The following NOS1AP variants were observed in gnomAD, a reference collection of about 807,000 sequenced individuals.
The protein encoded by NOS1AP is carboxyl-terminal PDZ ligand of neuronal nitric oxide synthase protein.
Under a neutral mutation model 56.2 loss-of-function variants are expected in NOS1AP, and 21 were observed. The observed-to-expected ratio is 0.37, with a 90% CI of 0.26 to 0.54. NOS1AP has a LOEUF of 0.54. Ranked by LOEUF, NOS1AP falls within the 20% of genes least tolerant of loss-of-function variation. The pLI is 0.84. For synonymous variants in NOS1AP, 270 were observed against 274.6 expected, an observed-to-expected ratio of 0.98 and a Z score of 0.17; for missense variants, 522 against 657.8, an observed-to-expected ratio of 0.79 and a Z score of 2.26.
rs77491175 is a variant in NOS1AP, at chr1:162,278,061, T to G, written c.178-9283T>G. 5.3e-3 allele frequency among the ~76,000 whole-genome samples: 809 copies of G among 152,282 alleles called. 9 individuals carry two copies. The highest frequency in any genetic ancestry group is 0.018 in the African/African-American group (762 of 41,562). On this transcript the variant is annotated intron_variant, in intron 2 of 9. Transcript: ENST00000361897. ...AAAACTATAGTAACTTCTTTTCCAT[T>G]TTAGAACTTTCCCCATCTGTCTGCA...
Position 162,099,731 on chromosome 1 carries a change from A to T in NOS1AP, c.105+29449A>T, listed in dbSNP as rs1417055686. 2.0e-5 allele frequency among the ~76,000 whole-genome samples: 3 copies of T among 152,108 alleles called. No individual in the cohort carries two copies. The East Asian group carries it at 5.8e-4, about 29-fold the overall frequency. Reference sequence around the variant, plus strand: ...TGTGCCATGTTGGTGTGCTGCACCCATTAACTCATCATTTAGCATTAGGTA... The same window carrying T: ...TGTGCCATGTTGGTGTGCTGCACCCTTTAACTCATCATTTAGCATTAGGTA... On this transcript the variant is annotated intron_variant, in intron 1 of 9. Coordinates refer to ENST00000361897, the MANE Select transcript of NOS1AP (RefSeq NM_014697.3).
chr1:162,175,938 G>A (rs1477089645), intron 2 of NOS1AP, among the ~76,000 whole-genome samples: 1 of 152,032 alleles, frequency 6.6e-6, no homozygotes, highest in Non-Finnish European at 1.5e-5. Context: ...TATCAGAATC[G>A]TTAACCCATA....
At chr1:162,225,948 T>G (rs4657175) in intron 2 of NOS1AP, among the ~76,000 whole-genome samples, 41,132 of 152,180 alleles carry the variant, frequency 0.27, 5,752 homozygotes, top group East Asian at 0.39. Context: ...CAAGGAATGT[T>G]ATAGAGAAAC....
intron 1 of NOS1AP, among the ~76,000 whole-genome samples, chr1:162,108,729 T>C (rs1223011322): frequency 6.6e-6 from 1 of 151,012 alleles, no homozygotes; most frequent in African/African-American, 2.4e-5. Context: ...AAAAAAAGGA[T>C]TTATACAGGG....
chr1:162,334,648 G>A (rs1405522529), intron 5 of NOS1AP, among the ~76,000 whole-genome samples: 1 of 152,168 alleles, frequency 6.6e-6, no homozygotes, highest in Non-Finnish European at 1.5e-5. Context: ...ATTTGACTGT[G>A]CTTCTGACTT....
intron 5 of NOS1AP, among the ~76,000 whole-genome samples, chr1:162,337,318 T>A (rs543729430): frequency 1.1e-4 from 17 of 152,340 alleles, no homozygotes; most frequent in African/African-American, 3.8e-4. Flanking sequence ...TATAATGCTG[T>A]CACTATCAAA....
chr1:162,100,477 G>A (rs1692359690), intron 1 of NOS1AP, among the ~76,000 whole-genome samples: 1 of 152,118 alleles, frequency 6.6e-6, no homozygotes, highest in African/African-American at 2.4e-5. Context: ...TTTTGATGGG[G>A]TTGTTTGTTT....
intron 1 of NOS1AP, among the ~76,000 whole-genome samples, chr1:162,087,848 A>G (rs1472891619): frequency 6.6e-6 from 1 of 152,124 alleles, no homozygotes; most frequent in Non-Finnish European, 1.5e-5. Flanking sequence ...GCGTGGGAGG[A>G]GAAAACTTGT....
intron 1 of NOS1AP, among the ~76,000 whole-genome samples, chr1:162,115,793 A>G (rs1647923641): frequency 6.6e-6 from 1 of 152,228 alleles, no homozygotes; most frequent in South Asian, 2.1e-4. Context: ...TTCAAAGGTC[A>G]GTTTTATCCC....
chr1:162,218,675 GGCCCCCAGA>G (rs955359722), intron 2 of NOS1AP, among the ~76,000 whole-genome samples: 1 of 152,102 alleles, frequency 6.6e-6, no homozygotes, highest in Non-Finnish European at 1.5e-5. Flanking sequence ...CTTGCTAAGT[GGCCCCCAGA>G]GTCCAGGCTT....
chr1:162,337,091 G>A (rs1225854321), intron 5 of NOS1AP, among the ~76,000 whole-genome samples: 1 of 152,196 alleles, frequency 6.6e-6, no homozygotes, highest in Non-Finnish European at 1.5e-5. Flanking sequence ...CCGTGGAGTG[G>A]ATGTCATCCT....
At chr1:162,289,257 CTTCCTTCCTTCCTTCCTTCCT>C (rs1474232325) in intron 3 of NOS1AP, among the ~76,000 whole-genome samples, 5 of 65,570 alleles carry the variant, frequency 7.6e-5, no homozygotes, top group Non-Finnish European at 1.4e-4. Context: ...TCCTTCCTTC[CTTCCTTCCTTCCTTCCTTCCT>C]TTCCTTCCTT....
rs368410806 is a variant in NOS1AP at position 162,365,298 on chromosome 1, G to T, written c.940-106G>T. The T allele has an allele frequency of 6.8e-5, 107 of 1,584,334 alleles. No homozygotes were observed. In the African/African-American group the frequency reaches 1.2e-3, roughly 18 times the overall value. ...TGAAGGGCTTCTTCTTGAACTGAAT[G>T]TGGAGGGCATCTCTGGTCCCGGCCA... On this transcript the variant is annotated intron_variant, in intron 8 of 9. Coordinates refer to ENST00000361897, the MANE Select transcript of NOS1AP (RefSeq NM_014697.3).
intron 2 of NOS1AP, among the ~76,000 whole-genome samples, chr1:162,273,691 A>C: frequency 6.6e-6 from 1 of 152,222 alleles, no homozygotes; most frequent in East Asian, 1.9e-4. Flanking sequence ...TAAAATTAAC[A>C]GTAAAATTGA....
chr1:162,352,813 G>A (rs1657561718), intron 6 of NOS1AP, among the ~76,000 whole-genome samples: 1 of 152,110 alleles, frequency 6.6e-6, no homozygotes, highest in South Asian at 2.1e-4. Context: ...GGGAGCTAAG[G>A]CTTCGACATA....
intron 8 of NOS1AP, among the ~76,000 whole-genome samples, chr1:162,358,528 G>T (rs1657776098): frequency 6.6e-6 from 1 of 152,100 alleles, no homozygotes; most frequent in African/African-American, 2.4e-5. Flanking sequence ...ACAGAGAGGG[G>T]GAATGTCATT....
chr1:162,081,757 T>TATATATATAG (rs1558090560), intron 1 of NOS1AP, among the ~76,000 whole-genome samples: 1 of 62,246 alleles, frequency 1.6e-5, no homozygotes, highest in African/African-American at 4.9e-5. Context: ...TATCTATAGA[T>TATATATATAG]ATATATATAT....
intron 8 of NOS1AP, chr1:162,364,502 C>T (rs915884758): frequency 7.4e-5 from 73 of 985,368 alleles, no homozygotes; most frequent in Non-Finnish European, 8.7e-5. Context: ...TGAGTTTTAT[C>T]TCCACATAAG....
intron 2 of NOS1AP, among the ~76,000 whole-genome samples, chr1:162,209,524 G>C (rs545236571): frequency 6.6e-6 from 1 of 152,294 alleles, no homozygotes; most frequent in South Asian, 2.1e-4. Flanking sequence ...ACTTGAACAA[G>C]TCAGTTTCCT....
Sources: allele counts gnomAD v4.1 joint callset (sites outside exome capture counted in the v4.1 genomes callset), GRCh38; gene constraint gnomAD v4.1.1; transcripts MANE v1.5; gene names NCBI Gene and HGNC (gene_info 2026-07-23, HGNC 2026-07-21).